The following TTC21A variants were observed in gnomAD, a reference collection of about 807,000 sequenced individuals.
TTC21A encodes tetratricopeptide repeat protein 21A.
TTC21A carries 128 observed loss-of-function variants against 156.4 expected under a neutral mutation model. The observed-to-expected ratio is 0.82, with a 90% CI of 0.71 to 0.95. The LOEUF (loss-of-function observed/expected upper bound fraction) is 0.95. Among genes scored for constraint, TTC21A ranks in the 40% least tolerant of loss-of-function variants. TTC21A has a pLI of 0.00. For missense variants in TTC21A, 1,435 were observed against 1,602.3 expected, an observed-to-expected ratio of 0.90 and a Z score of 1.78; for synonymous variants, 587 against 617.1, an observed-to-expected ratio of 0.95 and a Z score of 0.72.
rs1575480428 is a variant in TTC21A at position 39,108,186 on chromosome 3, C to T, written c.27+322C>T. On this transcript the variant is annotated intron_variant, in intron 1 of 28. Transcript: ENST00000683103. ...CCTCCCACCCCAGTTGATGGCTTCA[C>T]CATTTAATCTCCTAGCCTTAACTCA... 3 of 550,646 alleles carry T rather than the reference C, an allele frequency of 5.4e-6. No individual in the cohort carries two copies. The East Asian group carries it at 9.3e-5, about 17-fold the overall frequency. 34.1% of individuals were successfully genotyped at this position (550,646 alleles called of 1,614,324 possible). A position where few individuals can be genotyped will look rare whatever the true frequency, so the allele number is the denominator to read the frequency against.
intron 23 of TTC21A, 101 bp downstream of exon 23, chr3:39,136,608 C>T (rs2039132780): frequency 3.5e-6 from 5 of 1,423,400 alleles, no homozygotes; most frequent in Non-Finnish European, 4.8e-6. Context: ...GAAATTCTGC[C>T]TCCAGGACAC....
chr3:39,138,534 T>G, intron 27 of TTC21A, 22 bp from the exon 28 acceptor site: 1 of 1,614,172 alleles, frequency 6.2e-7, no homozygotes, highest in Non-Finnish European at 8.5e-7. Context: ...GCCACCATCT[T>G]TGCTCTCCAT....
At chr3:39,128,033 C>T (rs1168296916) in intron 12 of TTC21A, among the ~76,000 whole-genome samples, 1 of 152,178 alleles carries the variant, frequency 6.6e-6, no homozygotes, top group Admixed American at 6.5e-5. Flanking sequence ...TTAATGTGTT[C>T]CCCTGAGCTT....
rs778170601 is a variant in TTC21A at position 39,125,100 on chromosome 3, G to A, written c.1131G>A (p.Glu377=). 1.2e-5 allele frequency: 20 copies of A among 1,614,056 alleles called. No homozygotes were observed. The highest frequency in any genetic ancestry group is 2.2e-5 in the East Asian group (1 of 44,884). The change falls in exon 10 of 29, where the codon GAG becomes GAA. Residue 377 remains glutamate, a synonymous_variant. Coordinates refer to ENST00000683103, the MANE Select transcript of TTC21A (RefSeq NM_001366900.1). ...GTCATATCTTAGAAGGCCACCTGGA[G>A]GAAGCTGAGTACCGGCTGGAATTCC... The part of the protein sequence containing the change: ...ILCHILEGHL[E]EAEYRLEFLK...
At chr3:39,115,040 T>C (rs1182206014) in intron 6 of TTC21A, among the ~76,000 whole-genome samples, 2 of 152,058 alleles carry the variant, frequency 1.3e-5, no homozygotes, top group Non-Finnish European at 2.9e-5. Context: ...AAAGCAAGAG[T>C]TACAGGGTAG....
intron 1 of TTC21A, among the ~76,000 whole-genome samples, chr3:39,108,800 C>A (rs902857320): frequency 6.6e-6 from 1 of 152,188 alleles, no homozygotes; most frequent in African/African-American, 2.4e-5. Flanking sequence ...CCCTTATTCC[C>A]TTCCTAAGAC....
intron 22 of TTC21A, among the ~76,000 whole-genome samples, chr3:39,135,629 C>T (rs1169574452): frequency 2.6e-5 from 4 of 152,176 alleles, no homozygotes; most frequent in East Asian, 3.9e-4. Context: ...GAGGTCACCA[C>T]GGTTAGGAGT....
chr3:39,125,831 C>G (rs1217601770), intron 11 of TTC21A, among the ~76,000 whole-genome samples: 1 of 152,222 alleles, frequency 6.6e-6, no homozygotes, highest in Non-Finnish European at 1.5e-5. Context: ...GAACAGGGCA[C>G]CGGCCCATGG....
At chr3:39,129,868 C>T (rs1256085187) in intron 15 of TTC21A, among the ~76,000 whole-genome samples, 2 of 152,140 alleles carry the variant, frequency 1.3e-5, no homozygotes, top group East Asian at 1.9e-4. Flanking sequence ...AGGTAGAGGG[C>T]CTGGCCATGG....
Position 39,137,342 on chromosome 3 carries a change from C to T in TTC21A, c.3405C>T (p.Asn1135=). ...GGCTGGCCACCAGGGAGAAGGCTAA[C>T]ATGGAGGCTGCGCTGGGCAGCTTCA... is the stretch of plus-strand genomic sequence containing the variant. ...LCRLATREKA[N]MEAALGSFIQ... The change falls in exon 25 of 29, where the codon AAC becomes AAT. Residue 1135 remains asparagine (N), a synonymous_variant. Transcript: ENST00000683103. 1 of 1,613,852 alleles carries T rather than the reference C, an allele frequency of 6.2e-7. No individual in the cohort carries two copies. The highest frequency in any genetic ancestry group is 8.5e-7 in the Non-Finnish European group (1 of 1,179,896).
At chr3:39,119,795 G>A (rs2037603061) in intron 7 of TTC21A, 127 bp from the exon 8 acceptor site, 3 of 680,098 alleles carry the variant, frequency 4.4e-6, no homozygotes, top group South Asian at 1.9e-5. Context: ...TTTCTGGGGG[G>A]TTGTGCCTGG....
At chr3:39,138,096 A>G (rs2039271711) in intron 26 of TTC21A, 171 bp from the exon 27 acceptor site, 2 of 858,628 alleles carry the variant, frequency 2.3e-6, no homozygotes, top group Admixed American at 2.7e-5. Flanking sequence ...GAGGGCACAC[A>G]GTTGGCTTCT....
At chr3:39,128,227 A>C (rs1408260083) in intron 12 of TTC21A, 104 bp from the exon 13 acceptor site, 2 of 1,311,900 alleles carry the variant, frequency 1.5e-6, no homozygotes, top group African/African-American at 2.9e-5. Context: ...TCAATTTTGT[A>C]TATTTCTGGG....
At chr3:39,132,729 C>G (rs1008236186) in intron 19 of TTC21A, 6 of 398,338 alleles carry the variant, frequency 1.5e-5, no homozygotes, top group Non-Finnish European at 2.8e-5. Context: ...TGGACACCTA[C>G]TGTGTGCTAG....
At chr3:39,116,485 T>C (rs989844554) in intron 6 of TTC21A, among the ~76,000 whole-genome samples, 6 of 115,192 alleles carry the variant, frequency 5.2e-5, no homozygotes, top group African/African-American at 1.3e-4. Context: ...TGCCCCCCCC[T>C]TTTTTTGGGG....
In TTC21A at chr3:39,128,494, T is replaced by C. The variant is rs373381034; in HGVS notation, c.1680+6T>C. 3 of 1,613,938 alleles carry C rather than the reference T, an allele frequency of 1.9e-6. No individual in the cohort carries two copies. Among genetic ancestry groups the C allele is most frequent in the Non-Finnish European group, 2.5e-6 (3 of 1,180,008 alleles). On this transcript the variant is annotated splice_donor_region_variant and intron_variant, in intron 13 of 28. Coordinates refer to ENST00000683103, the MANE Select transcript of TTC21A (RefSeq NM_001366900.1). ...GTGTCAGCCACAACTTCCAGGTGGG[T>C]GCCCTCTCATCCTCTCAGCATCCCA... is the stretch of plus-strand genomic sequence containing the variant.
intron 5 of TTC21A, 86 bp from the exon 6 acceptor site, chr3:39,114,499 A>C (rs1559673685): frequency 7.3e-7 from 1 of 1,365,140 alleles, no homozygotes; most frequent in Non-Finnish European, 1.0e-6. Flanking sequence ...TCCTGTTTTC[A>C]TGGAGACACA....
In TTC21A at chr3:39,120,010, T is replaced by C. The variant is rs773342375; in HGVS notation, c.890T>C (p.Val297Ala). ...CTCCATCTTAAAAAAATTATTGTGG[T>C]TAGCCGACTGGTAAGAAGGTTCTTT... ...PSLHLKKIIV[V>A]SRLCGSHQVI... Residue 297 changes from valine to alanine, a missense_variant, in exon 8 of 29, where the codon GTT (valine) becomes GCT (alanine). Coordinates refer to ENST00000683103, the MANE Select transcript of TTC21A (RefSeq NM_001366900.1). The C allele has an allele frequency of 3.1e-6, 5 of 1,600,620 alleles. No individual in the cohort carries two copies. The highest frequency in any genetic ancestry group is 3.4e-6 in the Non-Finnish European group (4 of 1,168,696).
Position 39,136,393 on chromosome 3 carries a change from TAAG to T in TTC21A, c.2988_2990del (p.Arg996del). ...GTATTGCATAAATTAATCGATCTGC[TAAG>T]AAGAAGTGGAAAACTTGAAGACATT... On this transcript the variant is annotated inframe_deletion, in exon 23 of 29. Transcript: ENST00000683103. 1.2e-5 allele frequency: 19 copies of T among 1,613,980 alleles called. No homozygotes were observed. The highest frequency in any genetic ancestry group is 1.7e-5 in the Admixed American group (1 of 59,972).
Sources: allele counts gnomAD v4.1 joint callset (sites outside exome capture counted in the v4.1 genomes callset), GRCh38; gene constraint gnomAD v4.1.1; transcripts MANE v1.5; gene names NCBI Gene and HGNC (gene_info 2026-07-23, HGNC 2026-07-21).